LRFN5: variants seen among roughly 807,000 people sequenced by gnomAD.
LRFN5 encodes the protein leucine-rich repeat and fibronectin type-III domain-containing protein 5.
Under a neutral mutation model 45.6 loss-of-function variants are expected in LRFN5, and 24 were observed. The observed-to-expected ratio is 0.53, with a 90% CI of 0.38 to 0.74. The LOEUF is 0.74. Ranked by LOEUF, LRFN5 falls within the 30% of genes least tolerant of loss-of-function variation. The pLI, the probability that LRFN5 is intolerant of heterozygous loss-of-function variation, is 0.00. For synonymous variants in LRFN5, 340 were observed against 313.8 expected (o/e 1.08, Z -0.88); for missense variants, 776 against 861.5 (o/e 0.90, Z 1.24).
At chr14:41,832,335 G>C (rs1194633856) in intron 2 of LRFN5, among the ~76,000 whole-genome samples, 2 of 152,112 alleles carry the variant, frequency 1.3e-5, no homozygotes, top group Non-Finnish European at 2.9e-5. Flanking sequence ...GTTCCCAAGA[G>C]TTCCCCCCAT....
chr14:41,811,257 A>C (rs1215740411), intron 2 of LRFN5, among the ~76,000 whole-genome samples: 2 of 152,102 alleles, frequency 1.3e-5, no homozygotes, highest in Non-Finnish European at 2.9e-5. Context: ...TACAATAAAA[A>C]AGACAGACAA....
intron 1 of LRFN5, among the ~76,000 whole-genome samples, chr14:41,696,789 G>A (rs985602247): frequency 4.0e-5 from 6 of 151,778 alleles, no homozygotes; most frequent in East Asian, 3.9e-4. Context: ...ACGTCTCATC[G>A]TGGCTTCAGT....
chr14:41,853,450 A>G (rs188555651), intron 2 of LRFN5, among the ~76,000 whole-genome samples: 1 of 152,156 alleles, frequency 6.6e-6, no homozygotes, highest in East Asian at 1.9e-4. Context: ...CTATAGACTT[A>G]CCAGTGAATT....
chr14:41,660,477 G>A (rs1357300713), intron 1 of LRFN5, among the ~76,000 whole-genome samples: 1 of 152,074 alleles, frequency 6.6e-6, no homozygotes, highest in African/African-American at 2.4e-5. Context: ...ACTAATATTA[G>A]AAAACATGCT....
chr14:41,891,185 A>G (rs937881484), intron 3 of LRFN5, 65 bp from the exon 4 acceptor site: 20 of 1,242,372 alleles, frequency 1.6e-5, no homozygotes, highest in Non-Finnish European at 2.3e-5. Context: ...CTAAAGTCAT[A>G]ATGACTTTCT....
intron 2 of LRFN5, among the ~76,000 whole-genome samples, chr14:41,800,785 A>C (rs1203908592): frequency 2.0e-5 from 3 of 151,932 alleles, no homozygotes; most frequent in Non-Finnish European, 4.4e-5. Context: ...GAGAAAAAAA[A>C]AACACTGCAG....
At chr14:41,741,109 T>C (rs1884671975) in intron 1 of LRFN5, among the ~76,000 whole-genome samples, 1 of 151,612 alleles carries the variant, frequency 6.6e-6, no homozygotes, top group Non-Finnish European at 1.5e-5. Context: ...GTTCATAGGT[T>C]GAAAAATTTA....
At chr14:41,613,925 CCTT>C (rs142248745) in intron 1 of LRFN5, among the ~76,000 whole-genome samples, 3,290 of 152,044 alleles carry the variant, frequency 0.022, 108 homozygotes, top group African/African-American at 0.072. Context: ...CATTTTTACT[CCTT>C]ATTTTCTATC....
At chr14:41,770,296 C>T (rs969583962) in intron 2 of LRFN5, among the ~76,000 whole-genome samples, 6 of 152,068 alleles carry the variant, frequency 3.9e-5, no homozygotes, top group Admixed American at 3.3e-4. Context: ...CATCCCTGGC[C>T]CCCCCAAATC....
intron 1 of LRFN5, among the ~76,000 whole-genome samples, chr14:41,653,647 A>G (rs1880236073): frequency 6.6e-6 from 1 of 152,142 alleles, no homozygotes; most frequent in African/African-American, 2.4e-5. Context: ...ATTTTGTCGC[A>G]TTGAAAGTTT....
At chr14:41,702,616 C>T (rs1882884396) in intron 1 of LRFN5, among the ~76,000 whole-genome samples, 1 of 151,982 alleles carries the variant, frequency 6.6e-6, no homozygotes, top group Non-Finnish European at 1.5e-5. Flanking sequence ...GAACATGCCA[C>T]TGCGCCAGCT....
intron 1 of LRFN5, among the ~76,000 whole-genome samples, chr14:41,741,224 GA>G (rs138712153): frequency 6.6e-6 from 1 of 151,382 alleles, no homozygotes; most frequent in Non-Finnish European, 1.5e-5. Flanking sequence ...AAGTCTAATA[GA>G]AAAAAATCCT....
chr14:41,833,166 A>G (rs1028918833), intron 2 of LRFN5, among the ~76,000 whole-genome samples: 1 of 152,170 alleles, frequency 6.6e-6, no homozygotes, highest in African/African-American at 2.4e-5. Flanking sequence ...TGATAAGCTC[A>G]ATCACAACTG....
chr14:41,615,455 G>T (rs1372647044), intron 1 of LRFN5, among the ~76,000 whole-genome samples: 4 of 152,106 alleles, frequency 2.6e-5, no homozygotes, highest in Non-Finnish European at 5.9e-5. Flanking sequence ...ACTGGTTTGG[G>T]ACAGTTTTCT....
intron 2 of LRFN5, among the ~76,000 whole-genome samples, chr14:41,792,211 C>A (rs1886947728): frequency 6.6e-6 from 1 of 151,876 alleles, no homozygotes; most frequent in Non-Finnish European, 1.5e-5. Flanking sequence ...GGAGTAGGTA[C>A]AAAGATCACA....
chr14:41,773,593 C>T (rs1453135034), intron 2 of LRFN5, among the ~76,000 whole-genome samples: 1 of 152,112 alleles, frequency 6.6e-6, no homozygotes, highest in Admixed American at 6.5e-5. Flanking sequence ...TTCTCTTTCT[C>T]TCTCTCTGCA....
chr14:41,838,144 G>C (rs28429217), intron 2 of LRFN5, among the ~76,000 whole-genome samples: 6,277 of 152,180 alleles, frequency 0.041, 428 homozygotes, highest in African/African-American at 0.14. Context: ...CAAAAACACG[G>C]ATATGCACTA....
At chr14:41,741,436 A>T (rs1197992004) in intron 1 of LRFN5, among the ~76,000 whole-genome samples, 2 of 151,814 alleles carry the variant, frequency 1.3e-5, no homozygotes, top group East Asian at 3.9e-4. Context: ...AAAGATAAAC[A>T]CAATGAAGAA....
chr14:41,650,892 A>AGAGAGAGGGAGGGAGGGAGG (rs1880086625), intron 1 of LRFN5, among the ~76,000 whole-genome samples: 1 of 92,898 alleles, frequency 1.1e-5, no homozygotes, highest in Non-Finnish European at 1.9e-5. Flanking sequence ...AGAAAGAGAG[A>AGAGAGAGGGAGGGAGGGAGG]GAGAGAGGGA....
Sources: allele counts gnomAD v4.1 joint callset (sites outside exome capture counted in the v4.1 genomes callset), GRCh38; gene constraint gnomAD v4.1.1; transcripts MANE v1.5; gene names NCBI Gene and HGNC (gene_info 2026-07-23, HGNC 2026-07-21).